The following KRABD4 variants were observed in gnomAD, a reference collection of about 807,000 sequenced individuals.
KRABD4 encodes the protein KRAB domain containing 4, also known as KRAB domain-containing protein 4.
the KRABD4 span, chrX:46,463,141 A>G: frequency 8.7e-7 from 1 of 1,143,275 alleles, no homozygotes; most frequent in Non-Finnish European, 1.2e-6. Flanking sequence ...GGGTGGGCCT[A>G]GGTTCTGGAA....
the KRABD4 span, among the ~76,000 whole-genome samples, chrX:46,450,705 CT>C: frequency 0.19 from 16,525 of 87,617 alleles, 1,109 homozygotes; most frequent in Middle Eastern, 0.3. Flanking sequence ...TTTTCTTTCT[CT>C]TTTTTTTTTT....
chrX:46,466,446 C>T, the KRABD4 span, among the ~76,000 whole-genome samples: 1 of 112,049 alleles, frequency 8.9e-6, no homozygotes, highest in South Asian at 3.7e-4. Flanking sequence ...CCCTGTCCAT[C>T]TGCCAATTCC....
At chrX:46,450,628 G>A in the KRABD4 span, among the ~76,000 whole-genome samples, 5 of 110,026 alleles carry the variant, frequency 4.5e-5, no homozygotes, top group Non-Finnish European at 3.8e-5. Context: ...GATCCTCCCC[G>A]TCACCAGGAG....
the KRABD4 span, chrX:46,457,146 C>T: frequency 3.2e-6 from 1 of 308,043 alleles, no homozygotes; most frequent in East Asian, 6.2e-5. Context: ...CCTGTAAGTA[C>T]TGATAAAGCG....
At chrX:46,448,932 A>T in the KRABD4 span, among the ~76,000 whole-genome samples, 1 of 112,340 alleles carries the variant, frequency 8.9e-6, no homozygotes, top group Non-Finnish European at 1.9e-5. Context: ...TAGTTTATAG[A>T]ATTTCCAAGT....
chrX:46,451,329 T>C, the KRABD4 span, among the ~76,000 whole-genome samples: 1 of 111,733 alleles, frequency 8.9e-6, no homozygotes, highest in African/African-American at 3.2e-5. Context: ...TGTATTGTTT[T>C]CATGCTTTTA....
the KRABD4 span, chrX:46,448,774 A>T: frequency 2.7e-5 from 3 of 112,891 alleles, no homozygotes; most frequent in Admixed American, 1.9e-4. Flanking sequence ...CTCTCCTAGC[A>T]CACCTATTTG....
the KRABD4 span, among the ~76,000 whole-genome samples, chrX:46,449,157 T>C: frequency 8.9e-6 from 1 of 112,175 alleles, no homozygotes; most frequent in African/African-American, 3.2e-5. Context: ...AGCCTGGTAA[T>C]CAAAATGCAA....
chrX:46,449,816 G>A, the KRABD4 span, among the ~76,000 whole-genome samples: 1 of 111,892 alleles, frequency 8.9e-6, no homozygotes, highest in Admixed American at 9.4e-5. Flanking sequence ...GCCCAGGCTG[G>A]AGTGCAGTGG....
At chrX:46,449,884 G>T in the KRABD4 span, among the ~76,000 whole-genome samples, 1 of 111,295 alleles carries the variant, frequency 9.0e-6, no homozygotes, top group Admixed American at 9.5e-5. Context: ...CTCCCACCCA[G>T]CCTTCAGAGT....
the KRABD4 span, among the ~76,000 whole-genome samples, chrX:46,451,510 T>C: frequency 8.9e-6 from 1 of 112,352 alleles, no homozygotes; most frequent in African/African-American, 3.2e-5. Context: ...AATTTTTTTT[T>C]ACTGTTGTAA....
At chrX:46,461,352 A>C in the KRABD4 span, among the ~76,000 whole-genome samples, 5,805 of 110,649 alleles carry the variant, frequency 0.052, 131 homozygotes, top group African/African-American at 0.052. Context: ...CCTAGCACTC[A>C]GCAGTGTGGT....
chrX:46,451,005 GTTC>G, the KRABD4 span, among the ~76,000 whole-genome samples: 17 of 111,608 alleles, frequency 1.5e-4, no homozygotes, highest in African/African-American at 5.5e-4. Flanking sequence ...CTCTCTACTT[GTTC>G]TTCTGAGAAC....
At chrX:46,464,801 T>C in the KRABD4 span, among the ~76,000 whole-genome samples, 12 of 112,228 alleles carry the variant, frequency 1.1e-4, no homozygotes, top group African/African-American at 3.9e-4. Context: ...TCTACCCTCC[T>C]GAGTCCCAAT....
chrX:46,465,608 G>GT, the KRABD4 span, among the ~76,000 whole-genome samples: 6 of 112,249 alleles, frequency 5.3e-5, no homozygotes, highest in Admixed American at 2.8e-4. Context: ...CATAAAAACA[G>GT]TTTTTTTTAA....
At chrX:46,455,497 G>T in the KRABD4 span, 6 of 429,032 alleles carry the variant, frequency 1.4e-5, no homozygotes, top group Non-Finnish European at 1.7e-5. Context: ...CTTCATAGCA[G>T]TTTGTCCACC....
At chrX:46,460,404 C>T in the KRABD4 span, among the ~76,000 whole-genome samples, 51 of 95,036 alleles carry the variant, frequency 5.4e-4, no homozygotes, top group African/African-American at 1.9e-3. Flanking sequence ...GCAACAAGAG[C>T]GAAACTCAGT....
chrX:46,452,528 T>C, the KRABD4 span, among the ~76,000 whole-genome samples: 2 of 111,440 alleles, frequency 1.8e-5, no homozygotes, highest in Non-Finnish European at 3.8e-5. Flanking sequence ...AATTATCCAG[T>C]GTTTAAAACC....
chrX:46,465,572 T>C, the KRABD4 span, among the ~76,000 whole-genome samples: 1 of 113,009 alleles, frequency 8.8e-6, no homozygotes, highest in Non-Finnish European at 1.9e-5. Flanking sequence ...ACAAATGATA[T>C]CACTATTTTT....
Sources: allele counts gnomAD v4.1 joint callset (sites outside exome capture counted in the v4.1 genomes callset), GRCh38; gene constraint gnomAD v4.1.1; transcripts MANE v1.5; gene names NCBI Gene and HGNC (gene_info 2026-07-23, HGNC 2026-07-21).